Variants in MAOB observed in about 807,000 individuals in gnomAD.
The protein encoded by MAOB is amine oxidase [flavin-containing] B.
MAOB carries 15 observed loss-of-function variants against 41.9 expected under a neutral mutation model. The observed-to-expected ratio is 0.36, with a 90% confidence interval of 0.24 to 0.55. The LOEUF is 0.55. MAOB is among the 20% of genes least tolerant of loss of function. The pLI is 0.86. For synonymous variants in MAOB, 167 were observed against 144.2 expected (o/e 1.16, Z -1.13); for missense variants, 345 against 398.7 (o/e 0.87, Z 1.15).
chrX:43,795,101 A>G (rs1401590336), intron 7 of MAOB, among the ~76,000 whole-genome samples: 1 of 110,426 alleles, frequency 9.1e-6, no homozygotes, highest in East Asian at 2.9e-4. Flanking sequence ...TTCTGATCCT[A>G]CAGGTTGAGG....
At chrX:43,767,894 T>A (rs893729422) in intron 14 of MAOB, among the ~76,000 whole-genome samples, 2 of 112,035 alleles carry the variant, frequency 1.8e-5, no homozygotes, top group Non-Finnish European at 3.8e-5. Flanking sequence ...ACTTTTTGGT[T>A]ATCATCTGCA....
At chrX:43,808,699 G>GACAC (rs147523888) in intron 3 of MAOB, among the ~76,000 whole-genome samples, 1,968 of 87,609 alleles carry the variant, frequency 0.022, 26 homozygotes, top group African/African-American at 0.053. Context: ...TCTACACATA[G>GACAC]ACACACACAC....
intron 1 of MAOB, among the ~76,000 whole-genome samples, chrX:43,869,025 A>G (rs1338639941): frequency 9.0e-6 from 1 of 111,574 alleles, no homozygotes; most frequent in Non-Finnish European, 1.9e-5. Context: ...TCGGGTAGAT[A>G]GTAAATATAT....
chrX:43,810,630 G>A (rs1364314768), intron 3 of MAOB, among the ~76,000 whole-genome samples: 3 of 111,448 alleles, frequency 2.7e-5, no homozygotes, highest in East Asian at 2.8e-4. Flanking sequence ...AAAAGTTAGA[G>A]GCTCTGGACT....
intron 1 of MAOB, among the ~76,000 whole-genome samples, chrX:43,857,381 T>C (rs1388885905): frequency 3.7e-5 from 4 of 108,309 alleles, no homozygotes; most frequent in Non-Finnish European, 7.6e-5. Context: ...GGTTTCTTCA[T>C]GTTGGTCAGG....
intron 1 of MAOB, among the ~76,000 whole-genome samples, chrX:43,881,420 T>C (rs1168756965): frequency 8.8e-6 from 1 of 113,145 alleles, no homozygotes; most frequent in Non-Finnish European, 1.9e-5. Context: ...TTAAACAGGC[T>C]GTGCTGAGAG....
intron 3 of MAOB, among the ~76,000 whole-genome samples, chrX:43,815,244 T>C (rs777647047): frequency 8.9e-6 from 1 of 112,036 alleles, no homozygotes; most frequent in Non-Finnish European, 1.9e-5. Flanking sequence ...CTCTTTCAAT[T>C]TGTAAACACA....
Position 43,795,371 on chromosome X carries a change from C to T in MAOB, c.768+368G>A, listed in dbSNP as rs773770800. On this transcript the variant is annotated intron_variant, in intron 7 of 14. Coordinates refer to ENST00000378069, the MANE Select transcript of MAOB (RefSeq NM_000898.5). ...GCTTTCATGCCCTCCCCAGGCATGCCATTCTCAAGGAACCTCCAGTTGTGC... is the reference window on the plus strand; with the variant it reads ...GCTTTCATGCCCTCCCCAGGCATGCTATTCTCAAGGAACCTCCAGTTGTGC... Among the ~76,000 whole-genome samples, 11 of 112,029 alleles carry T rather than the reference C, an allele frequency of 9.8e-5. No homozygotes were observed. The South Asian group carries it at 1.6e-3, about 16-fold the overall frequency.
chrX:43,824,944 A>G (rs1466019713), intron 3 of MAOB, among the ~76,000 whole-genome samples: 1 of 112,938 alleles, frequency 8.9e-6, no homozygotes, highest in East Asian at 2.8e-4. Context: ...TTACTTCTCT[A>G]CTTCAAACCT....
intron 3 of MAOB, among the ~76,000 whole-genome samples, chrX:43,824,541 G>A (rs920392702): frequency 9.0e-6 from 1 of 111,568 alleles, no homozygotes; most frequent in Non-Finnish European, 1.9e-5. Flanking sequence ...AAATTAGCTT[G>A]GCATGGTGGC....
At chrX:43,776,611 G>A (rs1336284673) in intron 11 of MAOB, among the ~76,000 whole-genome samples, 4 of 106,014 alleles carry the variant, frequency 3.8e-5, no homozygotes, top group East Asian at 6.2e-4. Context: ...GCACTGAATG[G>A]CATTTTTTTT....
At chrX:43,864,415 T>C (rs2035352535) in intron 1 of MAOB, among the ~76,000 whole-genome samples, 1 of 111,736 alleles carries the variant, frequency 8.9e-6, no homozygotes, top group Non-Finnish European at 1.9e-5. Context: ...TCATTGGTCT[T>C]GTGAGACACA....
chrX:43,772,819 C>T (rs963566025), intron 12 of MAOB, among the ~76,000 whole-genome samples: 15 of 110,747 alleles, frequency 1.4e-4, no homozygotes, highest in African/African-American at 4.3e-4. Flanking sequence ...GATCTGGTCA[C>T]GTTAAGAGTG....
Position 43,860,021 on chromosome X carries a change from T to C in MAOB, c.47-16257A>G, listed in dbSNP as rs139648493. Among the ~76,000 whole-genome samples the C allele has an allele frequency of 5.6e-3, 625 of 112,247 alleles. 3 individuals are homozygous for C. The highest frequency in any genetic ancestry group is 0.019 in the African/African-American group (591 of 30,909). ...GGGCACACCTTTGTCCTTAAATGACTTGTTCTCTTAGCAGTATTTGGTCAT... is the reference window on the plus strand; with the variant it reads ...GGGCACACCTTTGTCCTTAAATGACCTGTTCTCTTAGCAGTATTTGGTCAT... On this transcript the variant is annotated intron_variant, in intron 1 of 14. Coordinates refer to ENST00000378069, the MANE Select transcript of MAOB (RefSeq NM_000898.5).
At chrX:43,782,824 A>C (rs1485459182) in intron 8 of MAOB, among the ~76,000 whole-genome samples, 2 of 111,914 alleles carry the variant, frequency 1.8e-5, no homozygotes, top group African/African-American at 6.5e-5. Flanking sequence ...CTGGGATGGA[A>C]GGCTGGTTCA....
chrX:43,878,571 T>C (rs1258786520), intron 1 of MAOB, among the ~76,000 whole-genome samples: 1 of 111,534 alleles, frequency 9.0e-6, no homozygotes, highest in Non-Finnish European at 1.9e-5. Context: ...CTCTGTGTAT[T>C]CTTTCCTTGA....
At chrX:43,816,685 A>T (rs1257642834) in intron 3 of MAOB, among the ~76,000 whole-genome samples, 1 of 112,154 alleles carries the variant, frequency 8.9e-6, no homozygotes, top group Non-Finnish European at 1.9e-5. Context: ...TAGACAAGGT[A>T]ATTTCCCTGG....
intron 3 of MAOB, among the ~76,000 whole-genome samples, chrX:43,816,719 T>C (rs944353414): frequency 8.0e-5 from 9 of 111,988 alleles, no homozygotes; most frequent in African/African-American, 2.6e-4. Context: ...ATGTCCATAC[T>C]TGCTGTAGTG....
chrX:43,837,089 T>C (rs956891568), intron 3 of MAOB, among the ~76,000 whole-genome samples: 1 of 112,412 alleles, frequency 8.9e-6, no homozygotes, highest in Admixed American at 9.4e-5. Context: ...CAAGTGAATA[T>C]AATCTCTGGT....
Sources: allele counts gnomAD v4.1 joint callset (sites outside exome capture counted in the v4.1 genomes callset), GRCh38; gene constraint gnomAD v4.1.1; transcripts MANE v1.5; gene names NCBI Gene and HGNC (gene_info 2026-07-23, HGNC 2026-07-21).